Variants in LRIT1 observed in about 807,000 individuals in gnomAD.
LRIT1 encodes the protein leucine rich repeat, Ig-like and transmembrane domains 1.
A neutral mutation model predicts 24.0 loss-of-function variants in LRIT1; 23 were observed. The ratio of observed to expected loss-of-function variants is 0.96; its 90% confidence interval spans 0.69 to 1.36. The LOEUF (loss-of-function observed/expected upper bound fraction) is 1.36, where lower values mean the gene tolerates loss of function less well. LRIT1 is among the 40% of genes most tolerant of loss of function. The probability of loss-of-function intolerance (pLI) is 0.00; values close to 1 mark genes in which losing one functional copy is unlikely to be tolerated. For missense variants in LRIT1, 846 were observed against 806.3 expected, an observed-to-expected ratio of 1.05 and a Z score of -0.60; for synonymous variants, 361 against 340.5, an observed-to-expected ratio of 1.06 and a Z score of -0.66.
Position 84,232,259 on chromosome 10 carries a change from A to C in LRIT1, c.1540T>G (p.Ser514Ala), listed in dbSNP as rs1203487732. The change falls in exon 4 of 4, where the codon TCC (serine) becomes GCC (alanine). Residue 514 changes from serine (S) to alanine (A), a missense_variant. By Grantham distance (99) the Ser-to-Ala change is moderately conservative. Transcript: ENST00000372105. ...TCAGCATCCACCACTTCATTGGTGGAGAAAATAACACACTGCTCCTTCCGG... is the reference window on the plus strand; with the variant it reads ...TCAGCATCCACCACTTCATTGGTGGCGAAAATAACACACTGCTCCTTCCGG... ...VPRKEQCVIF[S>A]TNEVVDAENT... 8.1e-6 allele frequency: 13 copies of C among 1,614,168 alleles called. No homozygotes were observed. The highest frequency in any genetic ancestry group is 1.1e-5 in the Non-Finnish European group (13 of 1,180,024).
intron 1 of LRIT1, among the ~76,000 whole-genome samples, chr10:84,238,460 C>A (rs886915606): frequency 2.0e-5 from 3 of 152,136 alleles, no homozygotes; most frequent in African/African-American, 7.2e-5. Context: ...AATGAAACCA[C>A]CTCAAGTCTC....
chr10:84,235,360 T>C (rs1172504296), intron 2 of LRIT1, among the ~76,000 whole-genome samples: 1 of 152,130 alleles, frequency 6.6e-6, no homozygotes, highest in African/African-American at 2.4e-5. Flanking sequence ...CTTGTGTCAT[T>C]GGTTAAACGC....
rs745504615 is a variant in LRIT1, at chr10:84,232,694, C to T, written c.1105G>A (p.Gly369Arg). The T allele has an allele frequency of 6.2e-7, 1 of 1,613,754 alleles. No homozygotes were observed. Among genetic ancestry groups the T allele is most frequent in the East Asian group, 2.2e-5 (1 of 44,874 alleles). ...TTGTTGTTGTAAGCAGCAGCTTCCC[C>T]TCCGCCACCTGTCCTTGCCCATAGT... ...GALWARTGGG[G>R]EAAAYNNKLV... Residue 369 changes from glycine to arginine, a missense_variant, in exon 4 of 4, where the codon GGG becomes AGG. Coordinates refer to ENST00000372105, the MANE Select transcript of LRIT1 (RefSeq NM_015613.3).
Position 84,234,139 on chromosome 10 carries a change from C to A in LRIT1, c.829G>T (p.Ala277Ser). The A allele has an allele frequency of 6.2e-7, 1 of 1,609,408 alleles. No homozygotes were observed. Among genetic ancestry groups the A allele is most frequent in the East Asian group, 2.2e-5 (1 of 44,792 alleles). Residue 277 changes from alanine (A) to serine (S), a missense_variant, in exon 3 of 4, where the codon GCT becomes TCT. Ala to Ser is a moderately conservative substitution (Grantham distance 99). Transcript: ENST00000372105. ...ATCTCGGGCCCAGGGACTCCAGTAGCTCCACAGCGTAGCAGTGCTGTGCCA... is the reference window on the plus strand; with the variant it reads ...ATCTCGGGCCCAGGGACTCCAGTAGATCCACAGCGTAGCAGTGCTGTGCCA... ...LGGTALLRCG[A>S]TGVPGPEMSW...
At chr10:84,239,870 C>T (rs1369072893) in intron 1 of LRIT1, among the ~76,000 whole-genome samples, 1 of 152,208 alleles carries the variant, frequency 6.6e-6, no homozygotes, top group Non-Finnish European at 1.5e-5. Flanking sequence ...CACAGGGGAC[C>T]TCAGGGCCCG....
rs1842614940 is a variant in LRIT1, at chr10:84,232,818, G to C, written c.981C>G (p.Ile327Met). 4 of 1,613,578 alleles carry C rather than the reference G, an allele frequency of 2.5e-6. No individual in the cohort carries two copies. The highest frequency in any genetic ancestry group is 2.5e-6 in the Non-Finnish European group (3 of 1,180,030). The change falls in exon 4 of 4, where the codon ATC becomes ATG. Residue 327 changes from isoleucine to methionine, a missense_variant. Ile to Met is a conservative substitution (Grantham distance 10, BLOSUM62 1). Coordinates refer to ENST00000372105, the MANE Select transcript of LRIT1 (RefSeq NM_015613.3). ...CTCCCAGGAAGTTCTTGGCTTGGCA[G>C]ATGTAGTCTCCGGAGTCAAGGTGGG... is the stretch of plus-strand genomic sequence containing the variant. ...AVSHLDSGDY[I>M]CQAKNFLGAS...
chr10:84,237,013 T>C (rs1212252389), intron 2 of LRIT1, among the ~76,000 whole-genome samples: 1 of 152,178 alleles, frequency 6.6e-6, no homozygotes, highest in East Asian at 1.9e-4. Context: ...CCTGGTTGTA[T>C]GACCTGGAAA....
At chr10:84,236,204 G>A (rs1842646150) in intron 2 of LRIT1, among the ~76,000 whole-genome samples, 1 of 151,904 alleles carries the variant, frequency 6.6e-6, no homozygotes, top group Non-Finnish European at 1.5e-5. Context: ...GCTGAGGCAG[G>A]AGAATGGTGT....
rs77705676 is a variant in LRIT1, at chr10:84,240,881, T to C, written c.122+437A>G. ...GTTGTAGGAAATGCCTGGGATATGA[T>C]TGAATATTGTAGAGAGGTCAGGCAA... On this transcript the variant is annotated intron_variant, in intron 1 of 3. Transcript: ENST00000372105. 4.1e-3 allele frequency among the ~76,000 whole-genome samples: 617 copies of C among 151,920 alleles called. 6 individuals are homozygous for C. The highest frequency in any genetic ancestry group is 0.014 in the African/African-American group (577 of 41,374).
chr10:84,238,014 A>G (rs1299007172), intron 1 of LRIT1, among the ~76,000 whole-genome samples: 1 of 151,932 alleles, frequency 6.6e-6, no homozygotes, highest in Admixed American at 6.6e-5. Flanking sequence ...GCATTAATAA[A>G]CCCCATGATC....
At position 84,241,471 on chromosome 10, in the gene LRIT1, G is replaced by T; in HGVS notation, c.-32C>A. 6.7e-7 allele frequency: 1 copy of T among 1,503,362 alleles called. No homozygotes were observed. The highest frequency in any genetic ancestry group is 8.8e-7 in the Non-Finnish European group (1 of 1,131,124). The allele number at this position is 1,503,362 out of a possible 1,614,324, so 93.1% of individuals were successfully genotyped here. A position where few individuals can be genotyped will look rare whatever the true frequency, so the allele number is the denominator to read the frequency against. The stretch of plus-strand genomic sequence containing the variant: ...TGGCTCCTCTCTGGCCCAGGCAGGG[G>T]CCTGTCCCTGGACCGCTCCGTCCCA... On this transcript the variant is annotated 5_prime_UTR_variant, in exon 1 of 4. Transcript: ENST00000372105.
In LRIT1 at chr10:84,234,084, AG is replaced by A. The variant is rs758531136; in HGVS notation, c.883del (p.Asn296MetfsTer48). ...TGTAGCTCACATACCTGTACCATTA[AG>A]GGGCCTGCCATTGGCCCTCCTCCAG... ...MSWRRANGRP[L>X]NGTVHQEVSS... On this transcript the variant is annotated frameshift_variant, in exon 3 of 4. Coordinates refer to ENST00000372105, the MANE Select transcript of LRIT1 (RefSeq NM_015613.3). LOFTEE classifies it low-confidence loss of function (END_TRUNC). The A allele has an allele frequency of 6.4e-7, 1 of 1,550,862 alleles. No individual in the cohort carries two copies. Among genetic ancestry groups the A allele is most frequent in the Non-Finnish European group, 8.7e-7 (1 of 1,148,872 alleles).
Position 84,232,559 on chromosome 10 carries a change from C to A in LRIT1, c.1240G>T (p.Ala414Ser). 6.2e-7 allele frequency: 1 copy of A among 1,614,220 alleles called. No homozygotes were observed. The highest frequency in any genetic ancestry group is 8.5e-7 in the Non-Finnish European group (1 of 1,180,032). Reference protein sequence around the residue: ...ELTLEHFQMDALGELSDGRAG... With the variant: ...ELTLEHFQMDSLGELSDGRAG... ...CGCCCATCAGAGAGCTCTCCCAGGG[C>A]ATCCATCTGGAAGTGCTCAAGGGTC... is the stretch of plus-strand genomic sequence containing the variant. The change falls in exon 4 of 4, where the codon GCC becomes TCC. Residue 414 changes from alanine (A) to serine (S), a missense_variant. Physicochemically the swap from Ala to Ser is moderately conservative, Grantham distance 99. Transcript: ENST00000372105.
At chr10:84,234,003 C>A in intron 3 of LRIT1, 70 bp downstream of exon 3, 1 of 1,363,642 alleles carries the variant, frequency 7.3e-7, no homozygotes, top group South Asian at 1.8e-5. Context: ...CCTGCCAAAT[C>A]CCCATTTGGG....
Position 84,234,285 on chromosome 10 carries a change from G to T in LRIT1, c.683C>A (p.Thr228Asn). The change falls in exon 3 of 4, where the codon ACT (threonine) becomes AAT (asparagine). Residue 228 changes from threonine (T) to asparagine (N), a missense_variant. Coordinates refer to ENST00000372105, the MANE Select transcript of LRIT1 (RefSeq NM_015613.3). ...ACGTGGGCTGGCACATCTCAGTTCA[G>T]TCTCAATGAAGGCCAAGTTTGGGGC... ...GWAPNLAFIE[T>N]ELRCASPRSL... 1.9e-6 allele frequency: 3 copies of T among 1,612,518 alleles called. No homozygotes were observed. In the East Asian group the frequency reaches 6.7e-5, roughly 36 times the overall value.
At position 84,231,840 on chromosome 10, in the gene LRIT1, G is replaced by T; in HGVS notation, c.*87C>A. On this transcript the variant is annotated 3_prime_UTR_variant, in exon 4 of 4. Transcript: ENST00000372105. ...ATCTGAGTAAGCAGGTACCCGAGCA[G>T]GTAAGAGTGGGTGATCGTGTACTCA... is the stretch of plus-strand genomic sequence containing the variant. 1 of 1,449,468 alleles carries T rather than the reference G, an allele frequency of 6.9e-7. No individual in the cohort carries two copies. The highest frequency in any genetic ancestry group is 9.3e-7 in the Non-Finnish European group (1 of 1,079,018). The allele number at this position is 1,449,468 out of a possible 1,614,324, so 89.8% of individuals were successfully genotyped here.
chr10:84,241,166 G>A (rs1842687621), intron 1 of LRIT1, 152 bp downstream of exon 1: 1 of 1,153,242 alleles, frequency 8.7e-7, no homozygotes, highest in Non-Finnish European at 1.2e-6. Context: ...GGAAAACAAT[G>A]CAGCACAGTC....
chr10:84,239,700 T>C (rs1409199385), intron 1 of LRIT1, among the ~76,000 whole-genome samples: 1 of 152,144 alleles, frequency 6.6e-6, no homozygotes, highest in Admixed American at 6.5e-5. Flanking sequence ...GCCCAGCTCC[T>C]CCCAGGCAAC....
At chr10:84,236,408 A>G (rs1214784662) in intron 2 of LRIT1, among the ~76,000 whole-genome samples, 1 of 152,254 alleles carries the variant, frequency 6.6e-6, no homozygotes, top group Non-Finnish European at 1.5e-5. Flanking sequence ...TAAATAAACT[A>G]TAGTATAAAT....
Sources: gnomAD v4.1 joint callset for allele counts (sites outside exome capture counted in the v4.1 genomes callset) on GRCh38, gnomAD v4.1.1 for gene constraint, MANE v1.5 for transcripts, NCBI Gene and HGNC (gene_info 2026-07-23, HGNC 2026-07-21) for gene names.